PARP12: variants seen among roughly 807,000 people sequenced by gnomAD.
The protein encoded by PARP12 is poly(ADP-ribose) polymerase family member 12, also known as protein mono-ADP-ribosyltransferase PARP12.
In PARP12, 59 loss-of-function variants were observed where a neutral mutation model predicts 72.4. That is an observed-to-expected ratio of 0.81 (90% CI 0.66 to 1.01). The LOEUF is 1.01. Among genes scored for constraint, PARP12 ranks in the 50% least tolerant of loss-of-function variants. The pLI is 0.00. For synonymous variants in PARP12, 403 were observed against 371.4 expected (o/e 1.09, Z -0.98); for missense variants, 851 against 914.0 (o/e 0.93, Z 0.89).
At chr7:140,027,972 G>GC in intron 9 of PARP12, among the ~76,000 whole-genome samples, 1 of 152,288 alleles carries the variant, frequency 6.6e-6, no homozygotes, top group East Asian at 1.9e-4. Context: ...TGCACTGTTG[G>GC]CATCTGCATG....
chr7:140,033,417 G>T, intron 8 of PARP12: 6 of 985,400 alleles, frequency 6.1e-6, no homozygotes, highest in Non-Finnish European at 6.0e-6. Flanking sequence ...CCTCTCAGGC[G>T]AACAGAAGGT....
At chr7:140,029,893 AGT>A (rs1815874549) in intron 8 of PARP12, among the ~76,000 whole-genome samples, 2 of 152,208 alleles carry the variant, frequency 1.3e-5, no homozygotes, top group Non-Finnish European at 2.9e-5. Flanking sequence ...GCAGGAAAGA[AGT>A]TGAGACATGG....
At chr7:140,059,870 A>G (rs1817368302) in intron 1 of PARP12, among the ~76,000 whole-genome samples, 1 of 152,176 alleles carries the variant, frequency 6.6e-6, no homozygotes, top group Non-Finnish European at 1.5e-5. Flanking sequence ...AGAACTGGGG[A>G]AGAAATCAGG....
rs781419321 is a variant in PARP12 at position 140,062,788 on chromosome 7, G to A, written c.60C>T (p.Ala20=). ...VTQVLCAAGG[A]LELPELRRRL... is the part of the protein sequence containing the mutation. ...GGCGCCGCAGCTCGGGCAACTCCAG[G>A]GCGCCCCCGGCCGCGCACAGCACCT... is the stretch of plus-strand genomic sequence containing the variant. The change falls in exon 1 of 12, where the codon GCC becomes GCT. Residue 20 remains alanine (A), a synonymous_variant. Coordinates refer to ENST00000263549, the MANE Select transcript of PARP12 (RefSeq NM_022750.4). 26 of 1,410,158 alleles carry A rather than the reference G, an allele frequency of 1.8e-5. No homozygotes were observed. The Admixed American group carries it at 4.9e-4, about 27-fold the overall frequency. 87.4% of individuals were successfully genotyped at this position (1,410,158 alleles called of 1,614,324 possible). A position where few individuals can be genotyped will look rare whatever the true frequency, so the allele number is the denominator to read the frequency against.
chr7:140,032,711 T>C (rs868731659), intron 8 of PARP12, among the ~76,000 whole-genome samples: 4 of 152,176 alleles, frequency 2.6e-5, no homozygotes, highest in Admixed American at 6.5e-5. Context: ...AAAAAGGGTA[T>C]AGAACAGTAT....
At chr7:140,036,601 C>T (rs1284236323) in intron 7 of PARP12, among the ~76,000 whole-genome samples, 1 of 152,154 alleles carries the variant, frequency 6.6e-6, no homozygotes, top group African/African-American at 2.4e-5. Context: ...GATAATTCAC[C>T]AGACACTTCA....
Position 140,062,579 on chromosome 7 carries a change from G to T in PARP12, c.269C>A (p.Ala90Glu). The change falls in exon 1 of 12, where the codon GCG becomes GAG. Residue 90 changes from alanine to glutamate, a missense_variant. Physicochemically the swap from Ala to Glu is moderately radical, Grantham distance 107 (BLOSUM62 -1). This residue lies in a region of PARP12 where 492 missense variants were observed against 489.3 expected (regional missense o/e 1.01). Coordinates refer to ENST00000263549, the MANE Select transcript of PARP12 (RefSeq NM_022750.4). ...GSKPGCVGLC[A>E]QLHLCRFMVY... ...CATGAACCTGCAGAGGTGGAGCTGC[G>T]CGCAGAGCCCCACGCAGCCCGGCTT... 1 of 1,546,580 alleles carries T rather than the reference G, an allele frequency of 6.5e-7. No homozygotes were observed. The highest frequency in any genetic ancestry group is 8.7e-7 in the Non-Finnish European group (1 of 1,151,146).
At chr7:140,027,676 G>C (rs1481812944) in intron 9 of PARP12, 2 of 280,384 alleles carry the variant, frequency 7.1e-6, no homozygotes, top group Non-Finnish European at 1.4e-5. Context: ...TCGTTAGACA[G>C]TATGTTGTGC....
intron 4 of PARP12, among the ~76,000 whole-genome samples, chr7:140,048,785 G>T (rs931032408): frequency 2.0e-5 from 3 of 152,114 alleles, no homozygotes; most frequent in East Asian, 3.9e-4. Flanking sequence ...AGTGAAAAAG[G>T]TAGAAAGCCA....
intron 5 of PARP12, among the ~76,000 whole-genome samples, chr7:140,042,737 A>C (rs1258369303): frequency 6.6e-6 from 1 of 152,220 alleles, no homozygotes; most frequent in Non-Finnish European, 1.5e-5. Flanking sequence ...TGGATAAAGG[A>C]GGAAAAAATT....
In PARP12 at chr7:140,037,818, G is replaced by A. The variant is rs769928046; in HGVS notation, c.1221C>T (p.Asp407=). 5.0e-6 allele frequency: 8 copies of A among 1,613,848 alleles called. No homozygotes were observed. The Admixed American group carries it at 5.0e-5, about 10-fold the overall frequency. Reference sequence around the variant, plus strand: ...AGTAGGCCAGGTAGGCCTTCTCCACGTCGCTACTGCTGACAGTGGTCACAG... The same window carrying A: ...AGTAGGCCAGGTAGGCCTTCTCCACATCGCTACTGCTGACAGTGGTCACAG... The part of the protein sequence containing the change: ...VHPVTTVSSS[D]VEKAYLAYCT... The change falls in exon 7 of 12, where the codon GAC becomes GAT. Residue 407 remains aspartate, a synonymous_variant. Coordinates refer to ENST00000263549, the MANE Select transcript of PARP12 (RefSeq NM_022750.4).
chr7:140,062,444 A>T (rs1817496976), intron 1 of PARP12, 78 bp downstream of exon 1: 1 of 1,378,036 alleles, frequency 7.3e-7, no homozygotes, highest in South Asian at 1.3e-5. Flanking sequence ...AACTTCAAGT[A>T]GGACCCCCAA....
rs923384468 is a variant in PARP12, at chr7:140,044,733, G to A, written c.986+2151C>T. The stretch of plus-strand genomic sequence containing the variant: ...AGACAACAATGAAATAGTCTTTGAA[G>A]AACTGAGGGAAAATACCCAGTAAAA... On this transcript the variant is annotated intron_variant, in intron 5 of 11. Coordinates refer to ENST00000263549, the MANE Select transcript of PARP12 (RefSeq NM_022750.4). 3.3e-5 allele frequency among the ~76,000 whole-genome samples: 5 copies of A among 152,164 alleles called. No individual in the cohort carries two copies. The East Asian group carries it at 9.6e-4, about 29-fold the overall frequency.
chr7:140,027,537 C>A (rs1371042268), intron 9 of PARP12, 131 bp from the exon 10 acceptor site: 11 of 1,118,400 alleles, frequency 9.8e-6, no homozygotes, highest in Non-Finnish European at 1.4e-5. Flanking sequence ...CCACATTCTC[C>A]TGTGGTTTCT....
At chr7:140,053,577 G>C (rs533857866) in intron 4 of PARP12, among the ~76,000 whole-genome samples, 1 of 152,248 alleles carries the variant, frequency 6.6e-6, no homozygotes. Flanking sequence ...ACTTTAGCTT[G>C]TGTAAACTAT....
At chr7:140,042,293 CAGA>C (rs1010649864) in intron 5 of PARP12, among the ~76,000 whole-genome samples, 1 of 152,238 alleles carries the variant, frequency 6.6e-6, no homozygotes, top group African/African-American at 2.4e-5. Flanking sequence ...GACGGGAAAA[CAGA>C]AGCTCAGGAA....
chr7:140,038,028 A>C, intron 6 of PARP12, 172 bp from the exon 7 acceptor site: 6 of 985,458 alleles, frequency 6.1e-6, no homozygotes, highest in Non-Finnish European at 7.2e-6. Flanking sequence ...GAATGGAGGC[A>C]ACATGACTGT....
At position 140,034,326 on chromosome 7, in the gene PARP12, C is replaced by T. The variant is rs768071924; in HGVS notation, c.1330G>A (p.Val444Ile). 14 of 1,608,616 alleles carry T rather than the reference C, an allele frequency of 8.7e-6. No homozygotes were observed. The highest frequency in any genetic ancestry group is 3.3e-5 in the South Asian group (3 of 90,264). The change falls in exon 8 of 12, where the codon GTT becomes ATT. Residue 444 changes from valine (V) to isoleucine (I), a missense_variant. Physicochemically the swap from Val to Ile is conservative, Grantham distance 29. This residue lies in a region of PARP12 where 347 missense variants were observed against 396.1 expected (regional missense o/e 0.88). Coordinates refer to ENST00000263549, the MANE Select transcript of PARP12 (RefSeq NM_022750.4). ...GTGCCATAGACCAGGTTTTTCTGAA[C>T]GAAGGCTGAAAAAAAACATAACCAG... Reference protein sequence around the residue: ...HNYELDFKAFVQKNLVYGTTK... With the variant: ...HNYELDFKAFIQKNLVYGTTK...
intron 10 of PARP12, 151 bp downstream of exon 10, chr7:140,027,125 G>A (rs1815767456): frequency 9.2e-7 from 1 of 1,088,576 alleles, no homozygotes; most frequent in Non-Finnish European, 1.3e-6. Context: ...CCCTGGGGGA[G>A]CGGACGAAGG....
Sources: gnomAD v4.1 joint callset for allele counts (sites outside exome capture counted in the v4.1 genomes callset) on GRCh38, gnomAD v4.1.1 for gene constraint, gnomAD v4.1.1 regional missense constraint, MANE v1.5 for transcripts, NCBI Gene and HGNC (gene_info 2026-07-23, HGNC 2026-07-21) for gene names.